Variants in CCDC81 observed in about 807,000 individuals in gnomAD.
CCDC81 encodes the protein coiled-coil domain-containing protein 81.
A neutral mutation model predicts 83.7 loss-of-function variants in CCDC81; 79 were observed. That is an observed-to-expected ratio of 0.94 (90% CI 0.79 to 1.14). The LOEUF is 1.14. Ranked by LOEUF, CCDC81 falls within the 50% of genes most tolerant of loss-of-function variation. CCDC81 has a pLI of 0.00. For synonymous variants in CCDC81, 252 were observed against 278.1 expected, an observed-to-expected ratio of 0.91 and a Z score of 0.93; for missense variants, 791 against 778.1, an observed-to-expected ratio of 1.02 and a Z score of -0.20.
At chr11:86,375,824 T>C (rs1164638808) in intron 1 of CCDC81, among the ~76,000 whole-genome samples, 1 of 152,206 alleles carries the variant, frequency 6.6e-6, no homozygotes, top group Non-Finnish European at 1.5e-5. Flanking sequence ...GGCTGAGATC[T>C]GTCTGCAAAC....
intron 14 of CCDC81, 41 bp from the exon 15 acceptor site, chr11:86,422,533 T>G: frequency 6.3e-7 from 1 of 1,591,694 alleles, no homozygotes; most frequent in Non-Finnish European, 8.6e-7. Context: ...CTCCAGGAAC[T>G]CCAGGAACCT....
chr11:86,408,753 A>T (rs1002167906), intron 9 of CCDC81, among the ~76,000 whole-genome samples: 14 of 152,240 alleles, frequency 9.2e-5, no homozygotes, highest in Admixed American at 9.2e-4. Flanking sequence ...AATAATAAAC[A>T]ACACTGGGAT....
intron 1 of CCDC81, among the ~76,000 whole-genome samples, chr11:86,383,788 T>A (rs1948204468): frequency 6.6e-6 from 1 of 152,240 alleles, no homozygotes; most frequent in Non-Finnish European, 1.5e-5. Flanking sequence ...TTTCCAAATC[T>A]ATTCCGATTG....
At position 86,395,411 on chromosome 11, in the gene CCDC81, A is replaced by C. The variant is rs752538603; in HGVS notation, c.633A>C (p.Pro211=). ...RKWPSSVLAF[P]RIELKEMENK... ...GGCCCAGCAGTGTGCTTGCGTTTCCAAGGTGAGTGCTTTGCTTCACGGGTT... is the reference window on the plus strand; with the variant it reads ...GGCCCAGCAGTGTGCTTGCGTTTCCCAGGTGAGTGCTTTGCTTCACGGGTT... Residue 211 remains proline (P), a splice_region_variant and synonymous_variant, in exon 5 of 15, where the codon CCA becomes CCC. Coordinates refer to ENST00000445632, the MANE Select transcript of CCDC81 (RefSeq NM_001156474.2). 6.2e-7 allele frequency: 1 copy of C among 1,613,734 alleles called. No homozygotes were observed. The highest frequency in any genetic ancestry group is 1.1e-5 in the South Asian group (1 of 91,056).
At chr11:86,407,786 C>T in intron 8 of CCDC81, 85 bp downstream of exon 8, 1 of 1,031,914 alleles carries the variant, frequency 9.7e-7, no homozygotes, top group Non-Finnish European at 1.5e-6. Context: ...ATCTCTCTTC[C>T]TTAATTATAT....
chr11:86,391,962 G>A (rs1213134740), intron 3 of CCDC81, among the ~76,000 whole-genome samples: 1 of 152,090 alleles, frequency 6.6e-6, no homozygotes, highest in Non-Finnish European at 1.5e-5. Flanking sequence ...ATGGAGGGAG[G>A]TGCTACACAC....
intron 6 of CCDC81, among the ~76,000 whole-genome samples, chr11:86,400,130 C>CAAA (rs560965042): frequency 7.5e-5 from 8 of 106,500 alleles, no homozygotes; most frequent in African/African-American, 2.5e-4. Flanking sequence ...GACTCCATCT[C>CAAA]AAAAAAAAAA....
rs1027461732 is a variant in CCDC81 at position 86,386,175 on chromosome 11, T to G, written c.141+63T>G. 6 of 545,278 alleles carry G rather than the reference T, an allele frequency of 1.1e-5. 1 individual carries two copies. The highest frequency in any genetic ancestry group is 1.4e-5 in the Non-Finnish European group (5 of 364,614). The allele number at this position is 545,278 out of a possible 1,614,324, so 33.8% of individuals were successfully genotyped here. A position where few individuals can be genotyped will look rare whatever the true frequency, so the allele number is the denominator to read the frequency against. The stretch of plus-strand genomic sequence containing the variant: ...ATTTATTAATTTTAATGTAGGCATC[T>G]AAAGGATCCTTCCTTCATAGTCTTA... On this transcript the variant is annotated intron_variant, in intron 2 of 14. Transcript: ENST00000445632.
intron 10 of CCDC81, among the ~76,000 whole-genome samples, chr11:86,411,378 CA>C (rs1948639355): frequency 6.6e-6 from 1 of 152,186 alleles, no homozygotes; most frequent in South Asian, 2.1e-4. Context: ...CCCTAATAAC[CA>C]ACCAGTTTAG....
intron 10 of CCDC81, among the ~76,000 whole-genome samples, chr11:86,412,172 C>A (rs953692916): frequency 2.0e-5 from 3 of 152,208 alleles, no homozygotes; most frequent in Non-Finnish European, 4.4e-5. Context: ...CTAGACCAAA[C>A]CCCTGGTGTT....
intron 7 of CCDC81, among the ~76,000 whole-genome samples, chr11:86,404,964 G>T (rs1006482971): frequency 3.3e-5 from 5 of 152,122 alleles, no homozygotes; most frequent in Admixed American, 3.3e-4. Flanking sequence ...TTTCTAGCTT[G>T]AGTACTTTTA....
At chr11:86,402,306 C>T (rs942612300) in intron 7 of CCDC81, among the ~76,000 whole-genome samples, 9 of 151,908 alleles carry the variant, frequency 5.9e-5, no homozygotes, top group African/African-American at 1.9e-4. Flanking sequence ...TGATGTATGT[C>T]GTTTATTTCA....
intron 13 of CCDC81, among the ~76,000 whole-genome samples, chr11:86,418,395 T>G (rs921228815): frequency 1.3e-5 from 2 of 152,198 alleles, no homozygotes; most frequent in East Asian, 1.9e-4. Flanking sequence ...TCAAAAGATA[T>G]CTGTACAGCC....
At chr11:86,420,674 G>T (rs1948778075) in intron 14 of CCDC81, among the ~76,000 whole-genome samples, 1 of 152,184 alleles carries the variant, frequency 6.6e-6, no homozygotes, top group Non-Finnish European at 1.5e-5. Flanking sequence ...CAAAATAATA[G>T]TTTAAATTGC....
intron 7 of CCDC81, among the ~76,000 whole-genome samples, chr11:86,406,162 T>C (rs935274849): frequency 1.3e-5 from 2 of 152,214 alleles, no homozygotes; most frequent in African/African-American, 4.8e-5. Flanking sequence ...TTATTCTTTG[T>C]ATTGCTTAAA....
At chr11:86,410,611 CTT>C (rs1409763581) in intron 10 of CCDC81, among the ~76,000 whole-genome samples, 1 of 152,186 alleles carries the variant, frequency 6.6e-6, no homozygotes, top group East Asian at 1.9e-4. Flanking sequence ...TAGGCATGAT[CTT>C]TCTCTCTCTT....
chr11:86,413,447 G>T (rs1177007053), intron 11 of CCDC81, among the ~76,000 whole-genome samples: 1 of 151,808 alleles, frequency 6.6e-6, no homozygotes, highest in Non-Finnish European at 1.5e-5. Flanking sequence ...ATGTCCTAGG[G>T]TGGAGCCCTA....
At chr11:86,420,183 G>C (rs1948771850) in intron 14 of CCDC81, 130 bp downstream of exon 14, 3 of 1,015,370 alleles carry the variant, frequency 3.0e-6, no homozygotes, top group Non-Finnish European at 4.3e-6. Context: ...TGTATTCCAT[G>C]GGAAATACTG....
At chr11:86,379,989 G>A (rs894716724) in intron 1 of CCDC81, among the ~76,000 whole-genome samples, 42 of 147,496 alleles carry the variant, frequency 2.8e-4, no homozygotes, top group African/African-American at 9.2e-4. Context: ...CTGTCTCAAA[G>A]AAAAAAAAAG....
Sources: gnomAD v4.1 joint callset for allele counts (sites outside exome capture counted in the v4.1 genomes callset) on GRCh38, gnomAD v4.1.1 for gene constraint, MANE v1.5 for transcripts, NCBI Gene and HGNC (gene_info 2026-07-23, HGNC 2026-07-21) for gene names.